TRIM45: variants seen among roughly 807,000 people sequenced by gnomAD.
TRIM45 encodes tripartite motif containing 45, also known as E3 ubiquitin-protein ligase TRIM45.
Under a neutral mutation model 46.7 loss-of-function variants are expected in TRIM45, and 45 were observed. That is an observed-to-expected ratio of 0.96 (90% CI 0.76 to 1.24). TRIM45 has a LOEUF of 1.24. Among genes scored for constraint, TRIM45 ranks in the 50% most tolerant of loss-of-function variants. The pLI is 0.00. For missense variants in TRIM45, 680 were observed against 728.4 expected, an observed-to-expected ratio of 0.93 and a Z score of 0.77; for synonymous variants, 259 against 285.8, an observed-to-expected ratio of 0.91 and a Z score of 0.94.
intron 1 of TRIM45, among the ~76,000 whole-genome samples, chr1:117,120,168 C>T (rs528186085): frequency 6.6e-6 from 1 of 152,158 alleles, no homozygotes; most frequent in Non-Finnish European, 1.5e-5. Flanking sequence ...TGAGGTCCGG[C>T]CAATCATCAT....
rs1020111561 is a variant in TRIM45, at chr1:117,121,092, T to C, written c.110A>G (p.Lys37Arg). ...THCPLCLGLF[K>R]APRLLPCLHT... ...CAAACAAGGCAAGAGCCTGGGGGCT[T>C]TGAAAAGCCCCAAGCACAGGGGGCA... The change falls in exon 1 of 6, where the codon AAA becomes AGA. Residue 37 changes from lysine (K) to arginine (R), a missense_variant. Physicochemically the swap from Lys to Arg is conservative, Grantham distance 26 (BLOSUM62 2). Around this residue, in one of 3 missense-constraint regions of TRIM45, gnomAD observed 349 missense variants for 343.6 expected, o/e 1.02. Coordinates refer to ENST00000256649, the MANE Select transcript of TRIM45 (RefSeq NM_025188.4). The surrounding 1 kb of genome is among the most constrained non-coding windows in gnomAD (Gnocchi z 4.2). 5.0e-6 allele frequency: 8 copies of C among 1,613,864 alleles called. No homozygotes were observed. The highest frequency in any genetic ancestry group is 6.8e-6 in the Non-Finnish European group (8 of 1,179,976).
At position 117,113,654 on chromosome 1, in the gene TRIM45, A is replaced by G. The variant is rs1290530; in HGVS notation, c.1468-169T>C. Among the ~76,000 whole-genome samples, 66,327 of 152,088 alleles carry G rather than the reference A, an allele frequency of 0.44. 14,852 individuals are homozygous for G. Among genetic ancestry groups the G allele is most frequent in the African/African-American group, 0.52 (21,703 of 41,458 alleles). On this transcript the variant is annotated intron_variant, in intron 4 of 5. Coordinates refer to ENST00000256649, the MANE Select transcript of TRIM45 (RefSeq NM_025188.4). The surrounding 1 kb of genome is among the most constrained non-coding windows in gnomAD (Gnocchi z 4.0). ...ACAAGAACCCTGCTCAGCTGAGAGG[A>G]GGCAGACACAGATGCAGTGGAAGCA...
Position 117,121,259 on chromosome 1 carries a change from A to G in TRIM45, c.-58T>C. 1 of 1,497,684 alleles carries G rather than the reference A, an allele frequency of 6.7e-7. No homozygotes were observed. The highest frequency in any genetic ancestry group is 8.8e-7 in the Non-Finnish European group (1 of 1,131,496). The allele number at this position is 1,497,684 out of a possible 1,614,324, so 92.8% of individuals were successfully genotyped here. On this transcript the variant is annotated 5_prime_UTR_variant, in exon 1 of 6. Coordinates refer to ENST00000256649, the MANE Select transcript of TRIM45 (RefSeq NM_025188.4). The surrounding 1 kb of genome is among the most constrained non-coding windows in gnomAD (Gnocchi z 4.2). ...GCCCTGGGCAGTTCTACGATTTAGT[A>G]GCAGGTGATTAAGCCCACCCAAAGA...
Position 117,113,171 on chromosome 1 carries a change from T to C in TRIM45, c.1594+188A>G, listed in dbSNP as rs1650282963. Among the ~76,000 whole-genome samples the C allele has an allele frequency of 6.6e-6, 1 of 152,254 alleles. No individual in the cohort carries two copies. Among genetic ancestry groups the C allele is most frequent in the Non-Finnish European group, 1.5e-5 (1 of 68,048 alleles). On this transcript the variant is annotated intron_variant, in intron 5 of 5. Coordinates refer to ENST00000256649, the MANE Select transcript of TRIM45 (RefSeq NM_025188.4). The surrounding 1 kb of genome is among the most constrained non-coding windows in gnomAD (Gnocchi z 4.0). ...CAGAACTGAGAGCTTTTAAGTCTGC[T>C]ATTTCAATTCAGAACAAGGAAGCTT...
rs372356337 is a variant in TRIM45, at chr1:117,121,415, T to C, written c.-214A>G. On this transcript the variant is annotated 5_prime_UTR_variant, in exon 1 of 6. Transcript: ENST00000256649. The surrounding 1 kb of genome is among the most constrained non-coding windows in gnomAD (Gnocchi z 4.2). ...CTCAGGAGGGCCCCCTCCTTTCCAC[T>C]GCATCCCACACCAGACACGCCCACG... The C allele has an allele frequency of 2.4e-4, 139 of 568,398 alleles. 3 individuals carry two copies. In the South Asian group the frequency reaches 3.5e-3, roughly 14 times the overall value. The allele number at this position is 568,398 out of a possible 1,614,324, so 35.2% of individuals were successfully genotyped here.
Position 117,115,631 on chromosome 1 carries a change from G to A in TRIM45, c.1411C>T (p.Pro471Ser), listed in dbSNP as rs1451959156. The change falls in exon 4 of 6, where the codon CCC becomes TCC. Residue 471 changes from proline (P) to serine (S), a missense_variant. Pro to Ser is a moderately conservative substitution (Grantham distance 74, BLOSUM62 -1). Transcript: ENST00000256649. The surrounding 1 kb of genome is among the most constrained non-coding windows in gnomAD (Gnocchi z 4.2). ...ACAGTATAGACGCCAGGTTCCTTGGGGGTGTAGGAAATGTAGTATGTCCCA... is the reference window on the plus strand; with the variant it reads ...ACAGTATAGACGCCAGGTTCCTTGGAGGTGTAGGAAATGTAGTATGTCCCA... ...KDGTYYISYT[P>S]KEPGVYTVWV... 1 of 1,614,124 alleles carries A rather than the reference G, an allele frequency of 6.2e-7. No individual in the cohort carries two copies. The highest frequency in any genetic ancestry group is 1.3e-5 in the African/African-American group (1 of 75,030).
rs1345116766 is a variant in TRIM45 at position 117,117,342 on chromosome 1, T to G, written c.1223-597A>C. Among the ~76,000 whole-genome samples, 2 of 152,210 alleles carry G rather than the reference T, an allele frequency of 1.3e-5. No individual in the cohort carries two copies. The highest frequency in any genetic ancestry group is 2.9e-5 in the Non-Finnish European group (2 of 68,032). ...ATCTGGAATTGTATGCACAAGTTACTGGGTGTTTCTGTAGGAGAGAACATT... is the reference window on the plus strand; with the variant it reads ...ATCTGGAATTGTATGCACAAGTTACGGGGTGTTTCTGTAGGAGAGAACATT... On this transcript the variant is annotated intron_variant, in intron 2 of 5. Coordinates refer to ENST00000256649, the MANE Select transcript of TRIM45 (RefSeq NM_025188.4). This position sits in a 1 kb window ranked among gnomAD's most constrained non-coding sequence, Gnocchi z 4.9.
rs1249605560 is a variant in TRIM45 at position 117,116,795 on chromosome 1, C to G, written c.1223-50G>C. The G allele has an allele frequency of 1.2e-6, 2 of 1,608,508 alleles. No homozygotes were observed. Among genetic ancestry groups the G allele is most frequent in the Admixed American group, 3.4e-5 (2 of 59,676 alleles). ...TCACCTCGAATGTAAACTGCAGTGA[C>G]TACATCTCCATCTTGCTTTTTCTCT... On this transcript the variant is annotated intron_variant, in intron 2 of 5. Transcript: ENST00000256649. The surrounding 1 kb of genome is among the most constrained non-coding windows in gnomAD (Gnocchi z 4.6).
upstream of TRIM45, chr1:117,121,894 G>A: frequency 1.4e-6 from 1 of 712,378 alleles, no homozygotes; most frequent in Non-Finnish European, 2.6e-6. This position sits in a 1 kb window ranked among gnomAD's most constrained non-coding sequence, Gnocchi z 4.2. Flanking sequence ...CCACATCTTC[G>A]CCAGTCCACT....
Position 117,117,563 on chromosome 1 carries a change from C to T in TRIM45, c.1222+471G>A, listed in dbSNP as rs1235839817. Among the ~76,000 whole-genome samples, 1 of 152,096 alleles carries T rather than the reference C, an allele frequency of 6.6e-6. No individual in the cohort carries two copies. The highest frequency in any genetic ancestry group is 1.5e-5 in the Non-Finnish European group (1 of 68,026). On this transcript the variant is annotated intron_variant, in intron 2 of 5. Coordinates refer to ENST00000256649, the MANE Select transcript of TRIM45 (RefSeq NM_025188.4). This position sits in a 1 kb window ranked among gnomAD's most constrained non-coding sequence, Gnocchi z 4.9. The stretch of plus-strand genomic sequence containing the variant: ...ACACCTACCATATCCTTTTAAATGC[C>T]AGTAAAGTTGATGTGAACCAAAAAG...
Position 117,120,955 on chromosome 1 carries a change from GCTT to G in TRIM45, c.244_246del (p.Lys82del). The G allele has an allele frequency of 6.2e-7, 1 of 1,614,178 alleles. No individual in the cohort carries two copies. ...CCGATCTGCGACTGCAGACTTCGTG[GCTT>G]GAGTTCCTGGAATATTGACCCCTCA... On this transcript the variant is annotated inframe_deletion, in exon 1 of 6. Coordinates refer to ENST00000256649, the MANE Select transcript of TRIM45 (RefSeq NM_025188.4).
At chr1:117,122,577 T>C (rs1005283901), upstream of TRIM45, 2 of 152,224 alleles carry the variant, frequency 1.3e-5, no homozygotes, top group African/African-American at 2.4e-5. Flanking sequence ...GATTCCACAG[T>C]CCTGTGTAAC....
rs1650611165 is a variant in TRIM45 at position 117,121,167 on chromosome 1, A to G, written c.35T>C (p.Val12Ala). The G allele has an allele frequency of 1.3e-6, 2 of 1,582,294 alleles. No individual in the cohort carries two copies. The highest frequency in any genetic ancestry group is 1.9e-5 in the Admixed American group (1 of 53,760). Reference sequence around the variant, plus strand: ...TGCAGTCCCACTAGTGAGTTTGCTTACAAAGCCCAGCAGCGGTTTTCTGTT... The same window carrying G: ...TGCAGTCCCACTAGTGAGTTTGCTTGCAAAGCCCAGCAGCGGTTTTCTGTT... ...SENRKPLLGF[V>A]SKLTSGTALG... The change falls in exon 1 of 6, where the codon GTA (valine) becomes GCA (alanine). Residue 12 changes from valine to alanine, a missense_variant. Val to Ala is a moderately conservative substitution (Grantham distance 64). Coordinates refer to ENST00000256649, the MANE Select transcript of TRIM45 (RefSeq NM_025188.4). This position sits in a 1 kb window ranked among gnomAD's most constrained non-coding sequence, Gnocchi z 4.2.
Position 117,115,575 on chromosome 1 carries a change from C to G in TRIM45, c.1467G>C (p.Gln489His), listed in dbSNP as rs1375682618. The stretch of plus-strand genomic sequence containing the variant: ...AGGGAAGCACGTGCACCAGTCTTAC[C>G]TGCACATGCTGTTCTTTGATGCAGA... ...VWVCIKEQHV[Q>H]GSPFTVMVRR... Residue 489 changes from glutamine to histidine, a missense_variant and splice_region_variant, in exon 4 of 6, where the codon CAG becomes CAC. This residue lies in a region of TRIM45 where 322 missense variants were observed against 359.3 expected (regional missense o/e 0.90). Coordinates refer to ENST00000256649, the MANE Select transcript of TRIM45 (RefSeq NM_025188.4). The surrounding 1 kb of genome is among the most constrained non-coding windows in gnomAD (Gnocchi z 4.2). 1 of 1,611,380 alleles carries G rather than the reference C, an allele frequency of 6.2e-7. No homozygotes were observed.
In TRIM45 at chr1:117,116,711, A is replaced by T; in HGVS notation, c.1257T>A (p.Ser419=). 1.2e-6 allele frequency: 2 copies of T among 1,614,118 alleles called. No homozygotes were observed. The highest frequency in any genetic ancestry group is 2.2e-5 in the South Asian group (2 of 91,080). ...CGGCATCCTTACAAAGCAGGGTGAA[A>T]GAGGCCGTCTGTTTCTCCCGGGCTC... is the stretch of plus-strand genomic sequence containing the variant. ...LHRAREKQTA[S]FTLLCKDAAG... Residue 419 remains serine (S), a synonymous_variant, in exon 3 of 6, where the codon TCT becomes TCA. Transcript: ENST00000256649. The surrounding 1 kb of genome is among the most constrained non-coding windows in gnomAD (Gnocchi z 4.6).
chr1:117,119,225 G>A (rs1362448762), intron 1 of TRIM45, among the ~76,000 whole-genome samples: 1 of 152,216 alleles, frequency 6.6e-6, no homozygotes, highest in Non-Finnish European at 1.5e-5. Flanking sequence ...TTGCATCTAA[G>A]ATTTTGGTGA....
At position 117,113,585 on chromosome 1, in the gene TRIM45, G is replaced by T; in HGVS notation, c.1468-100C>A. On this transcript the variant is annotated intron_variant, in intron 4 of 5. Coordinates refer to ENST00000256649, the MANE Select transcript of TRIM45 (RefSeq NM_025188.4). This position sits in a 1 kb window ranked among gnomAD's most constrained non-coding sequence, Gnocchi z 4.0. ...AAACAGAGTCTGAGGCACAGGGCCT[G>T]TCCTTGGATGGACAAGGACAACAGG... is the stretch of plus-strand genomic sequence containing the variant. 6.9e-7 allele frequency: 1 copy of T among 1,442,918 alleles called. No individual in the cohort carries two copies. 89.4% of individuals were successfully genotyped at this position (1,442,918 alleles called of 1,614,324 possible). A position where few individuals can be genotyped will look rare whatever the true frequency, so the allele number is the denominator to read the frequency against.
Position 117,120,963 on chromosome 1 carries a change from T to A in TRIM45, c.239A>T (p.Glu80Val). The A allele has an allele frequency of 6.2e-7, 1 of 1,614,194 alleles. No individual in the cohort carries two copies. The highest frequency in any genetic ancestry group is 8.5e-7 in the Non-Finnish European group (1 of 1,180,032). Reference sequence around the variant, plus strand: ...CGACTGCAGACTTCGTGGCTTGAGTTCCTGGAATATTGACCCCTCAGAGCT... The same window carrying A: ...CGACTGCAGACTTCGTGGCTTGAGTACCTGGAATATTGACCCCTCAGAGCT... ...DTSSEGSIFQ[E>V]LKPRSLQSQI... The change falls in exon 1 of 6, where the codon GAA becomes GTA. Residue 80 changes from glutamate to valine, a missense_variant. By Grantham distance (121) the Glu-to-Val change is moderately radical (BLOSUM62 -2). Coordinates refer to ENST00000256649, the MANE Select transcript of TRIM45 (RefSeq NM_025188.4).
At chr1:117,112,666 G>A (rs1358911227) in intron 5 of TRIM45, among the ~76,000 whole-genome samples, 4 of 152,168 alleles carry the variant, frequency 2.6e-5, no homozygotes, top group East Asian at 1.9e-4. Context: ...CATGTTAGCC[G>A]GAGTTCTAAG....
Sources: gnomAD v4.1 joint callset for allele counts (sites outside exome capture counted in the v4.1 genomes callset) on GRCh38, gnomAD v4.1.1 for gene constraint, gnomAD v4.1.1 regional missense constraint, Gnocchi (gnomAD v3.1) non-coding constraint, MANE v1.5 for transcripts, NCBI Gene and HGNC (gene_info 2026-07-23, HGNC 2026-07-21) for gene names.